Variants in PLCL1 observed in about 807,000 individuals in gnomAD.
PLCL1 encodes the protein inactive phospholipase C-like protein 1.
PLCL1 carries 41 observed loss-of-function variants against 84.4 expected under a neutral mutation model. That is an observed-to-expected ratio of 0.49 (90% CI 0.38 to 0.63). The LOEUF (loss-of-function observed/expected upper bound fraction) is 0.63. Ranked by LOEUF, PLCL1 falls within the 30% of genes least tolerant of loss-of-function variation. The pLI, the probability that PLCL1 is intolerant of heterozygous loss-of-function variation, is 0.00. For synonymous variants in PLCL1, 490 were observed against 488.3 expected (o/e 1.00, Z -0.05); for missense variants, 1,206 against 1,367.8 (o/e 0.88, Z 1.87).
At chr2:197,944,021 T>G (rs1251869917) in intron 1 of PLCL1, among the ~76,000 whole-genome samples, 2 of 152,316 alleles carry the variant, frequency 1.3e-5, no homozygotes, top group East Asian at 3.9e-4. Context: ...CATTTTCTCT[T>G]CTTGGTTTAT....
At chr2:198,096,216 A>C (rs1230704042) in intron 3 of PLCL1, among the ~76,000 whole-genome samples, 1 of 152,198 alleles carries the variant, frequency 6.6e-6, no homozygotes, top group African/African-American at 2.4e-5. Flanking sequence ...AGAGTTGACC[A>C]CATGGTATTT....
chr2:197,875,642 C>T (rs556315077), intron 1 of PLCL1, among the ~76,000 whole-genome samples: 2 of 152,004 alleles, frequency 1.3e-5, no homozygotes, highest in East Asian at 3.9e-4. Context: ...ACTCTTTGCT[C>T]CCGACATAAC....
intron 5 of PLCL1, among the ~76,000 whole-genome samples, chr2:198,132,680 A>G (rs1253735188): frequency 2.6e-5 from 4 of 152,182 alleles, no homozygotes; most frequent in East Asian, 1.9e-4. Context: ...CCAGGCATAT[A>G]TACTTACAAA....
At chr2:197,809,407 C>T (rs1163343118) in intron 1 of PLCL1, among the ~76,000 whole-genome samples, 7 of 152,194 alleles carry the variant, frequency 4.6e-5, no homozygotes, top group African/African-American at 7.2e-5. Context: ...AGCCCGAACA[C>T]GTGAGATAGT....
rs1692804567 is a variant in PLCL1, at chr2:198,084,487, T to G, written c.970T>G (p.Ser324Ala). 1 of 1,613,952 alleles carries G rather than the reference T, an allele frequency of 6.2e-7. No individual in the cohort carries two copies. The highest frequency in any genetic ancestry group is 1.3e-5 in the African/African-American group (1 of 74,922). ...PEVYFLLVQI[S>A]KNKEYLDAND... ...AGTGTATTTCTTACTTGTACAGATA[T>G]CTAAAAACAAAGAATATTTGGATGC... is the stretch of plus-strand genomic sequence containing the variant. The change falls in exon 2 of 6, where the codon TCT (serine) becomes GCT (alanine). Residue 324 changes from serine to alanine, a missense_variant. Ser to Ala is a moderately conservative substitution (Grantham distance 99, BLOSUM62 1). Coordinates refer to ENST00000428675, the MANE Select transcript of PLCL1 (RefSeq NM_006226.4).
At chr2:198,028,128 G>A (rs1235023368) in intron 1 of PLCL1, among the ~76,000 whole-genome samples, 1 of 152,134 alleles carries the variant, frequency 6.6e-6, no homozygotes, top group Admixed American at 6.6e-5. Flanking sequence ...GGCATGAGCT[G>A]CCATGTGCGG....
At chr2:197,909,658 C>A (rs1438346071) in intron 1 of PLCL1, among the ~76,000 whole-genome samples, 2 of 152,112 alleles carry the variant, frequency 1.3e-5, no homozygotes, top group Non-Finnish European at 2.9e-5. Flanking sequence ...CTCAGAGTTC[C>A]CTCTCTGAGG....
At chr2:198,008,313 C>A (rs914822832) in intron 1 of PLCL1, among the ~76,000 whole-genome samples, 59 of 151,982 alleles carry the variant, frequency 3.9e-4, no homozygotes, top group Non-Finnish European at 8.2e-4. Flanking sequence ...ATTGCTACAA[C>A]TTTTTCGTCT....
At chr2:197,959,333 A>T (rs1263475630) in intron 1 of PLCL1, among the ~76,000 whole-genome samples, 1 of 151,972 alleles carries the variant, frequency 6.6e-6, no homozygotes, top group Non-Finnish European at 1.5e-5. Flanking sequence ...TTGCTTGGGG[A>T]TGCTGGTCTT....
At chr2:197,977,456 T>G (rs1690011067) in intron 1 of PLCL1, among the ~76,000 whole-genome samples, 1 of 152,216 alleles carries the variant, frequency 6.6e-6, no homozygotes, top group African/African-American at 2.4e-5. Flanking sequence ...CATTGCAGTC[T>G]CATTACAAAT....
chr2:198,135,713 C>T (rs558607577), intron 5 of PLCL1, among the ~76,000 whole-genome samples: 1 of 152,298 alleles, frequency 6.6e-6, no homozygotes, highest in African/African-American at 2.4e-5. Flanking sequence ...TTAAACAGAG[C>T]ACCCCCGTAG....
intron 5 of PLCL1, among the ~76,000 whole-genome samples, chr2:198,114,787 T>C (rs977849971): frequency 1.0e-5 from 1 of 95,926 alleles, no homozygotes; most frequent in East Asian, 3.9e-4. Flanking sequence ...ATGAGTTCAC[T>C]TCTCTGAATG....
At chr2:198,060,914 T>C (rs1692182006) in intron 1 of PLCL1, among the ~76,000 whole-genome samples, 1 of 152,154 alleles carries the variant, frequency 6.6e-6, no homozygotes, top group East Asian at 1.9e-4. Flanking sequence ...AATGCACTGA[T>C]ATTGATGTGT....
intron 1 of PLCL1, among the ~76,000 whole-genome samples, chr2:197,861,538 C>T (rs1179854691): frequency 6.6e-6 from 1 of 152,106 alleles, no homozygotes; most frequent in Non-Finnish European, 1.5e-5. Flanking sequence ...TTGTGGAAAC[C>T]CTGATTATAG....
chr2:197,935,444 C>A (rs184537627), intron 1 of PLCL1, among the ~76,000 whole-genome samples: 140 of 152,108 alleles, frequency 9.2e-4, no homozygotes, highest in African/African-American at 3.3e-3. Context: ...ATAAAAAGAA[C>A]AAGATCTTGT....
At chr2:198,111,169 A>G (rs1693612076) in intron 5 of PLCL1, among the ~76,000 whole-genome samples, 1 of 151,842 alleles carries the variant, frequency 6.6e-6, no homozygotes, top group Admixed American at 6.6e-5. Flanking sequence ...CTGAAAATCT[A>G]CTACAATATA....
In PLCL1 at chr2:197,805,549, G is replaced by A. The variant is rs1559010790; in HGVS notation, c.240+210G>A. The stretch of plus-strand genomic sequence containing the variant: ...AAGTGACTTTTTCTCCCCACTGACG[G>A]CAGAGGAAAAGTTCCGCTCTGCGTC... On this transcript the variant is annotated intron_variant, in intron 1 of 5. Coordinates refer to ENST00000428675, the MANE Select transcript of PLCL1 (RefSeq NM_006226.4). This position sits in a 1 kb window ranked among gnomAD's most constrained non-coding sequence, Gnocchi z 4.0. 2.6e-5 allele frequency among the ~76,000 whole-genome samples: 4 copies of A among 152,164 alleles called. No individual in the cohort carries two copies. The South Asian group carries it at 6.2e-4, about 24-fold the overall frequency.
At chr2:197,811,906 C>G (rs1690595584) in intron 1 of PLCL1, among the ~76,000 whole-genome samples, 1 of 152,064 alleles carries the variant, frequency 6.6e-6, no homozygotes, top group Non-Finnish European at 1.5e-5. Flanking sequence ...TATGAATGAT[C>G]CTGTGAGCTA....
At chr2:198,011,102 T>C (rs551762857) in intron 1 of PLCL1, among the ~76,000 whole-genome samples, 1 of 152,096 alleles carries the variant, frequency 6.6e-6, no homozygotes, top group East Asian at 1.9e-4. Flanking sequence ...TTCTATTCTT[T>C]ATTTGATTTA....
Sources: allele counts gnomAD v4.1 joint callset (sites outside exome capture counted in the v4.1 genomes callset), GRCh38; gene constraint gnomAD v4.1.1; non-coding constraint Gnocchi (gnomAD v3.1); transcripts MANE v1.5; gene names NCBI Gene and HGNC (gene_info 2026-07-23, HGNC 2026-07-21).